Variants in TBL1X observed in about 807,000 individuals in gnomAD.
TBL1X encodes transducin beta like 1 X-linked.
Under a neutral mutation model 50.7 loss-of-function variants are expected in TBL1X, and 10 were observed. The ratio of observed to expected loss-of-function variants is 0.20; its 90% CI spans 0.12 to 0.33. The LOEUF (loss-of-function observed/expected upper bound fraction) is 0.33, where lower values mean the gene tolerates loss of function less well. TBL1X is among the 10% of genes least tolerant of loss of function. The pLI, the probability that TBL1X is intolerant of heterozygous loss-of-function variation, is 1.00. For synonymous variants in TBL1X, 190 were observed against 214.7 expected (o/e 0.88, Z 1.01); for missense variants, 340 against 504.4 (o/e 0.67, Z 3.12).
intron 2 of TBL1X, among the ~76,000 whole-genome samples, chrX:9,579,912 C>T (rs1569063610): frequency 1.8e-5 from 2 of 111,553 alleles, no homozygotes. Flanking sequence ...GGTTCATAAG[C>T]CATGCTGCTC....
At chrX:9,559,200 C>T (rs902503884) in intron 2 of TBL1X, among the ~76,000 whole-genome samples, 10 of 112,069 alleles carry the variant, frequency 8.9e-5, no homozygotes, top group Non-Finnish European at 1.7e-4. Flanking sequence ...CTTTGGATAC[C>T]GCCTTCCTGT....
intron 11 of TBL1X, among the ~76,000 whole-genome samples, chrX:9,695,243 A>G (rs1430804141): frequency 8.9e-6 from 1 of 112,160 alleles, no homozygotes; most frequent in Non-Finnish European, 1.9e-5. Flanking sequence ...AAAGCCTAAA[A>G]TTCTACTACC....
chrX:9,663,613 T>C (rs577348917), intron 5 of TBL1X, among the ~76,000 whole-genome samples: 2 of 110,605 alleles, frequency 1.8e-5, no homozygotes, highest in African/African-American at 6.6e-5. Flanking sequence ...ACAAAAAAAT[T>C]AGCCAGGCGT....
At chrX:9,705,747 A>G (rs1461674694) in intron 13 of TBL1X, among the ~76,000 whole-genome samples, 6 of 110,141 alleles carry the variant, frequency 5.4e-5, no homozygotes, top group Non-Finnish European at 1.1e-4. Context: ...AAAAAAAGAA[A>G]AGAAATTGAG....
At chrX:9,702,549 C>T (rs933610750) in intron 12 of TBL1X, among the ~76,000 whole-genome samples, 16 of 102,688 alleles carry the variant, frequency 1.6e-4, no homozygotes, top group Non-Finnish European at 2.6e-4. Context: ...GAGGCTGCAG[C>T]GAGCTATGAT....
chrX:9,666,120 A>T (rs896638064), intron 5 of TBL1X, among the ~76,000 whole-genome samples: 3 of 111,702 alleles, frequency 2.7e-5, no homozygotes, highest in Non-Finnish European at 1.9e-5. Flanking sequence ...CTCTTCTCCC[A>T]TTGCATTCCC....
intron 2 of TBL1X, among the ~76,000 whole-genome samples, chrX:9,533,929 A>G (rs765613142): frequency 1.8e-5 from 2 of 111,490 alleles, no homozygotes; most frequent in South Asian, 7.7e-4. Flanking sequence ...CCAGGAGCTC[A>G]GGAGCTGGTA....
At chrX:9,590,777 A>G (rs2285578) in intron 2 of TBL1X, among the ~76,000 whole-genome samples, 38,054 of 109,615 alleles carry the variant, frequency 0.35, 4,912 homozygotes, top group East Asian at 0.67. Flanking sequence ...CAGGGGTACT[A>G]TTATTGTCAG....
At chrX:9,516,929 TA>T (rs769036618) in intron 2 of TBL1X, among the ~76,000 whole-genome samples, 80 of 109,219 alleles carry the variant, frequency 7.3e-4, no homozygotes, top group Non-Finnish European at 1.2e-3. Context: ...CACATTAAGT[TA>T]AAAAAAAAAT....
intron 2 of TBL1X, among the ~76,000 whole-genome samples, chrX:9,622,505 G>C (rs943289957): frequency 1.8e-5 from 2 of 111,199 alleles, no homozygotes; most frequent in Non-Finnish European, 3.8e-5. Flanking sequence ...ACCCAGGCTG[G>C]AGTGCAGTGG....
chrX:9,524,755 T>A (rs1198693445), intron 2 of TBL1X, among the ~76,000 whole-genome samples: 1 of 111,853 alleles, frequency 8.9e-6, no homozygotes, highest in Non-Finnish European at 1.9e-5. Context: ...CTTTTTTATT[T>A]TTTCCTTTTG....
rs2083287133 is a variant in TBL1X, at chrX:9,717,639, T to C, written c.*1393T>C. On this transcript the variant is annotated 3_prime_UTR_variant, in exon 18 of 18. Coordinates refer to ENST00000645353, the MANE Select transcript of TBL1X (RefSeq NM_005647.4). ...TACTGCAGAAGCCGTCGAAACCGAC[T>C]GCTCGGCTGGATTAGGCGTGTTGGC... 1 of 113,096 alleles carries C rather than the reference T, an allele frequency of 8.8e-6. No homozygotes were observed. The highest frequency in any genetic ancestry group is 1.9e-5 in the Non-Finnish European group (1 of 53,421). The allele number at this position is 113,096 out of a possible 1,213,427, so 9.3% of individuals were successfully genotyped here.
In TBL1X at chrX:9,619,342, C is replaced by T. The variant is rs1044299938; in HGVS notation, c.-130-20931C>T. ...CATCTGCCAATACTTTGTGGGCCAGCCCAGGCCTCTGCTCTGAGGATGGCC... is the reference window on the plus strand; with the variant it reads ...CATCTGCCAATACTTTGTGGGCCAGTCCAGGCCTCTGCTCTGAGGATGGCC... On this transcript the variant is annotated intron_variant, in intron 2 of 17. Coordinates refer to ENST00000645353, the MANE Select transcript of TBL1X (RefSeq NM_005647.4). Among the ~76,000 whole-genome samples, 8 of 112,112 alleles carry T rather than the reference C, an allele frequency of 7.1e-5. No individual in the cohort carries two copies. In the South Asian group the frequency reaches 1.1e-3, roughly 16 times the overall value.
chrX:9,693,285 A>G (rs772302142), intron 10 of TBL1X, 37 bp from the exon 11 acceptor site: 4 of 1,208,209 alleles, frequency 3.3e-6, no homozygotes, highest in East Asian at 3.0e-5. Flanking sequence ...TGAACAGACC[A>G]TGACATTGAG....
At chrX:9,685,255 A>T (rs1172513230) in intron 6 of TBL1X, among the ~76,000 whole-genome samples, 2 of 111,686 alleles carry the variant, frequency 1.8e-5, no homozygotes, top group Non-Finnish European at 3.8e-5. Flanking sequence ...CTGGGGAATA[A>T]TGGGATCCAC....
intron 1 of TBL1X, among the ~76,000 whole-genome samples, chrX:9,480,201 G>A (rs2081873836): frequency 8.9e-6 from 1 of 111,804 alleles, no homozygotes; most frequent in Non-Finnish European, 1.9e-5. Flanking sequence ...TGATCTACCC[G>A]CCTCGGCCTC....
rs1229867319 is a variant in TBL1X, at chrX:9,711,689, G to A, written c.1518G>A (p.Glu506=). 3 of 1,210,636 alleles carry A rather than the reference G, an allele frequency of 2.5e-6. No individual in the cohort carries two copies. The highest frequency in any genetic ancestry group is 2.2e-6 in the Non-Finnish European group (2 of 894,540). ...VCTHTLTKHQ[E]PVYSVAFSPD... ...CCCACACGCTCACGAAGCATCAGGA[G>A]CCTGTCTATAGCGTAGCTTTCAGCC... is the stretch of plus-strand genomic sequence containing the variant. The change falls in exon 16 of 18, where the codon GAG becomes GAA. Residue 506 remains glutamate (E), a synonymous_variant. Transcript: ENST00000645353.
intron 1 of TBL1X, among the ~76,000 whole-genome samples, chrX:9,474,307 C>T (rs994710027): frequency 8.9e-6 from 1 of 112,670 alleles, no homozygotes. Flanking sequence ...GATGTAGGTC[C>T]CCAAAGGCTG....
intron 2 of TBL1X, among the ~76,000 whole-genome samples, chrX:9,543,153 C>T (rs768969845): frequency 8.9e-6 from 1 of 112,298 alleles, no homozygotes; most frequent in African/African-American, 3.2e-5. Flanking sequence ...AGTGAGGGCA[C>T]GGGACGTGAA....
Sources: allele counts gnomAD v4.1 joint callset (sites outside exome capture counted in the v4.1 genomes callset), GRCh38; gene constraint gnomAD v4.1.1; transcripts MANE v1.5; gene names NCBI Gene and HGNC (gene_info 2026-07-23, HGNC 2026-07-21).